CHSY3: variants seen among roughly 807,000 people sequenced by gnomAD.
CHSY3 encodes N-acetylgalactosaminyl-proteoglycan 3-beta-glucuronosyltransferase 3.
CHSY3 carries 35 observed loss-of-function variants against 67.2 expected under a neutral mutation model. The ratio of observed to expected loss-of-function variants is 0.52; its 90% CI spans 0.40 to 0.69. The LOEUF (loss-of-function observed/expected upper bound fraction) is 0.69, where lower values mean the gene tolerates loss of function less well. Ranked by LOEUF, CHSY3 falls within the 30% of genes least tolerant of loss-of-function variation. CHSY3 has a pLI of 0.00. For missense variants in CHSY3, 1,069 were observed against 1,138.5 expected, an observed-to-expected ratio of 0.94 and a Z score of 0.88; for synonymous variants, 474 against 434.7, an observed-to-expected ratio of 1.09 and a Z score of -1.12.
chr5:130,072,438 T>C (rs904405303), intron 2 of CHSY3, among the ~76,000 whole-genome samples: 1 of 152,186 alleles, frequency 6.6e-6, no homozygotes, highest in Non-Finnish European at 1.5e-5. Flanking sequence ...ATGTGTGTTC[T>C]TGGCATCCTT....
chr5:129,922,695 C>A (rs1292724134), intron 2 of CHSY3, among the ~76,000 whole-genome samples: 1 of 151,434 alleles, frequency 6.6e-6, no homozygotes, highest in Non-Finnish European at 1.5e-5. Context: ...TGTTTTCTTT[C>A]TGTAGAATTG....
intron 2 of CHSY3, among the ~76,000 whole-genome samples, chr5:130,079,917 A>G (rs1766391443): frequency 6.6e-6 from 1 of 151,980 alleles, no homozygotes; most frequent in African/African-American, 2.4e-5. Flanking sequence ...CTACCTTCTA[A>G]TGATCCAAGG....
intron 2 of CHSY3, among the ~76,000 whole-genome samples, chr5:129,966,503 A>G (rs1214578129): frequency 1.3e-5 from 2 of 151,938 alleles, no homozygotes; most frequent in African/African-American, 4.8e-5. Flanking sequence ...TAAATTAGAT[A>G]ATATGATGTT....
At position 130,185,596 on chromosome 5, in the gene CHSY3, C is replaced by T. The variant is rs545035411; in HGVS notation, c.2454C>T (p.Gly818=). ...TCTACAATAAAGTCATTCTATCTGG[C>T]TTAAGGCCATTCAGAAGCCAAGAAG... is the stretch of plus-strand genomic sequence containing the variant. ...VDLYNKVILS[G]LRPFRSQEVG... is the part of the protein sequence containing the mutation. Residue 818 remains glycine, a synonymous_variant, in exon 3 of 3, where the codon GGC becomes GGT. Transcript: ENST00000305031. 2 of 1,613,306 alleles carry T rather than the reference C, an allele frequency of 1.2e-6. No individual in the cohort carries two copies. Among genetic ancestry groups the T allele is most frequent in the African/African-American group, 2.7e-5 (2 of 74,732 alleles).
At chr5:130,082,781 G>T (rs1580715410) in intron 2 of CHSY3, among the ~76,000 whole-genome samples, 1 of 152,020 alleles carries the variant, frequency 6.6e-6, no homozygotes, top group South Asian at 2.1e-4. Flanking sequence ...CACAGTGACA[G>T]AAATGGAGTG....
At chr5:130,142,534 G>T (rs189262602) in intron 2 of CHSY3, among the ~76,000 whole-genome samples, 11 of 152,176 alleles carry the variant, frequency 7.2e-5, no homozygotes, top group Middle Eastern at 3.4e-3. Flanking sequence ...TTAAAGTAAG[G>T]CATCAAAATC....
In CHSY3 at chr5:129,908,182, A is replaced by AC; in HGVS notation, c.908_909insC (p.Glu303AspfsTer16). 6.2e-7 allele frequency: 1 copy of AC among 1,614,194 alleles called. No individual in the cohort carries two copies. Among genetic ancestry groups the AC allele is most frequent in the Non-Finnish European group, 8.5e-7 (1 of 1,180,034 alleles). On this transcript the variant is annotated frameshift_variant, in exon 2 of 3. Transcript: ENST00000305031. LOFTEE classifies it high-confidence loss of function. ...GAAGAGCTTGGAAAGCTGGGACTGG[A>AC]GCCTGGGGAAAACTTCTGTATGGGA...
chr5:130,047,872 T>G (rs1765202666), intron 2 of CHSY3, among the ~76,000 whole-genome samples: 1 of 147,350 alleles, frequency 6.8e-6, no homozygotes, highest in Non-Finnish European at 1.5e-5. Context: ...ACATTTCACC[T>G]TTTATAATTA....
chr5:130,113,111 C>T (rs7446323), intron 2 of CHSY3, among the ~76,000 whole-genome samples: 4 of 27,822 alleles, frequency 1.4e-4, no homozygotes, highest in African/African-American at 4.3e-4. Flanking sequence ...TGATATAATA[C>T]GTGTGTGTGT....
At chr5:130,065,069 CT>C (rs1765840242) in intron 2 of CHSY3, among the ~76,000 whole-genome samples, 1 of 152,126 alleles carries the variant, frequency 6.6e-6, no homozygotes, top group South Asian at 2.1e-4. Flanking sequence ...ACTCATTCAT[CT>C]GGAAGAAGTC....
intron 2 of CHSY3, among the ~76,000 whole-genome samples, chr5:129,918,518 A>G (rs1162414550): frequency 1.3e-5 from 2 of 152,194 alleles, no homozygotes; most frequent in African/African-American, 4.8e-5. Flanking sequence ...GACTGCTATG[A>G]TGGCGGAAAG....
chr5:130,143,768 GTATATATATA>G (rs1299433610), intron 2 of CHSY3, among the ~76,000 whole-genome samples: 2 of 64,968 alleles, frequency 3.1e-5, no homozygotes, highest in African/African-American at 1.2e-4. Context: ...GTGTGTGTGT[GTATATATATA>G]TATGTGTATA....
rs73243527 is a variant in CHSY3, at chr5:130,032,232, G to A, written c.1086+123872G>A. Among the ~76,000 whole-genome samples the A allele has an allele frequency of 9.3e-3, 1,408 of 152,050 alleles. 20 individuals are homozygous for A. Among genetic ancestry groups the A allele is most frequent in the African/African-American group, 0.032 (1,329 of 41,448 alleles). On this transcript the variant is annotated intron_variant, in intron 2 of 2. Transcript: ENST00000305031. ...CCTTTATGTTTGCAAATCATTTCCCGTCACATATTATAGATGTGAGATATC... is the reference window on the plus strand; with the variant it reads ...CCTTTATGTTTGCAAATCATTTCCCATCACATATTATAGATGTGAGATATC...
At chr5:129,924,427 C>A (rs1161962047) in intron 2 of CHSY3, among the ~76,000 whole-genome samples, 4 of 151,946 alleles carry the variant, frequency 2.6e-5, no homozygotes, top group Admixed American at 2.6e-4. Flanking sequence ...GCAGGCGGAT[C>A]ACGAGATCAA....
intron 2 of CHSY3, among the ~76,000 whole-genome samples, chr5:129,934,330 A>G (rs1761421385): frequency 6.6e-6 from 1 of 152,092 alleles, no homozygotes. Flanking sequence ...ATTTGATCAG[A>G]TTATGTTAAT....
intron 2 of CHSY3, among the ~76,000 whole-genome samples, chr5:130,160,322 T>G (rs1769494175): frequency 6.6e-6 from 1 of 152,128 alleles, no homozygotes; most frequent in African/African-American, 2.4e-5. Context: ...CACTACCAAA[T>G]CCTCAGTCCT....
rs966353633 is a variant in CHSY3, at chr5:130,176,243, G to GA, written c.1087-7977dup. Among the ~76,000 whole-genome samples the GA allele has an allele frequency of 6.0e-5, 9 of 149,636 alleles. No individual in the cohort carries two copies. In the East Asian group the frequency reaches 1.2e-3, roughly 20 times the overall value. ...ACATTTATGCAGCCAACAAATATAT[G>GA]AAAAAAAAAGCCCATCATCACTGGT... On this transcript the variant is annotated intron_variant, in intron 2 of 2. Coordinates refer to ENST00000305031, the MANE Select transcript of CHSY3 (RefSeq NM_175856.5).
intron 2 of CHSY3, among the ~76,000 whole-genome samples, chr5:129,958,584 G>A (rs544004221): frequency 6.6e-6 from 1 of 152,270 alleles, no homozygotes; most frequent in East Asian, 1.9e-4. Flanking sequence ...AGCCTGGAGT[G>A]CAGCAGTGTG....
intron 2 of CHSY3, among the ~76,000 whole-genome samples, chr5:129,951,665 C>A (rs1762027551): frequency 6.6e-6 from 1 of 152,102 alleles, no homozygotes. Flanking sequence ...TAGGGATCTC[C>A]ACCCATTGTC....
Sources: gnomAD v4.1 joint callset for allele counts (sites outside exome capture counted in the v4.1 genomes callset) on GRCh38, gnomAD v4.1.1 for gene constraint, MANE v1.5 for transcripts, NCBI Gene and HGNC (gene_info 2026-07-23, HGNC 2026-07-21) for gene names.